The following MAGI3 variants were observed in gnomAD, a reference collection of about 807,000 sequenced individuals.
MAGI3 encodes the protein membrane associated guanylate kinase, WW and PDZ domain containing 3, also known as membrane-associated guanylate kinase, WW and PDZ domain-containing protein 3.
MAGI3 carries 43 observed loss-of-function variants against 121.8 expected under a neutral mutation model. That is an observed-to-expected ratio of 0.35 (90% CI 0.28 to 0.46). The LOEUF (loss-of-function observed/expected upper bound fraction) is 0.46. MAGI3 is among the 20% of genes least tolerant of loss of function. MAGI3 has a pLI of 1.00. For synonymous variants in MAGI3, 553 were observed against 639.3 expected (o/e 0.86, Z 2.04); for missense variants, 1,547 against 1,797.3 (o/e 0.86, Z 2.52).
chr1:113,428,423 T>G (rs1653129101), intron 1 of MAGI3, among the ~76,000 whole-genome samples: 1 of 152,190 alleles, frequency 6.6e-6, no homozygotes, highest in Non-Finnish European at 1.5e-5. Flanking sequence ...AGTATTGCCT[T>G]TCTTATAAAT....
At chr1:113,536,590 G>C (rs1323935339) in intron 1 of MAGI3, among the ~76,000 whole-genome samples, 1 of 151,740 alleles carries the variant, frequency 6.6e-6, no homozygotes, top group East Asian at 1.9e-4. Flanking sequence ...ATACGTCATG[G>C]AATAATTACT....
At chr1:113,626,247 T>C (rs561138516) in intron 9 of MAGI3, among the ~76,000 whole-genome samples, 146 of 152,378 alleles carry the variant, frequency 9.6e-4, no homozygotes, top group African/African-American at 3.4e-3. Flanking sequence ...CTTCATTCTG[T>C]TGATACCATG....
chr1:113,515,256 G>A (rs1393323773), intron 1 of MAGI3, among the ~76,000 whole-genome samples: 2 of 151,924 alleles, frequency 1.3e-5, no homozygotes, highest in Admixed American at 1.3e-4. Flanking sequence ...TATAATGTTT[G>A]GGACTATTGA....
chr1:113,430,151 A>G (rs958979053), intron 1 of MAGI3, among the ~76,000 whole-genome samples: 2 of 152,220 alleles, frequency 1.3e-5, no homozygotes, highest in Non-Finnish European at 1.5e-5. Flanking sequence ...AAGTGAATAA[A>G]TACATTTCTT....
At chr1:113,614,695 T>G in intron 7 of MAGI3, 37 bp downstream of exon 7, 3 of 1,476,674 alleles carry the variant, frequency 2.0e-6, no homozygotes, top group Non-Finnish European at 2.8e-6. Flanking sequence ...CTCCCAAATA[T>G]TTTCCTTTCA....
chr1:113,453,264 A>C (rs1053692821), intron 1 of MAGI3, among the ~76,000 whole-genome samples: 1 of 152,182 alleles, frequency 6.6e-6, no homozygotes, highest in Non-Finnish European at 1.5e-5. Context: ...GACTGCTGTC[A>C]TCTTTCTTGC....
At chr1:113,661,239 G>T (rs1421600418) in intron 16 of MAGI3, among the ~76,000 whole-genome samples, 1 of 152,202 alleles carries the variant, frequency 6.6e-6, no homozygotes, top group South Asian at 2.1e-4. Context: ...TTACCTACAT[G>T]ACTGGCTCCC....
chr1:113,625,106 A>G (rs572572317), intron 9 of MAGI3, among the ~76,000 whole-genome samples: 4 of 152,338 alleles, frequency 2.6e-5, no homozygotes, highest in African/African-American at 9.6e-5. Flanking sequence ...GCTCTGTAGT[A>G]TAATTTGAAG....
chr1:113,645,848 T>C (rs1652801515), intron 11 of MAGI3, among the ~76,000 whole-genome samples: 1 of 152,240 alleles, frequency 6.6e-6, no homozygotes. Flanking sequence ...TAAGTCATTT[T>C]GCTTGGCTGT....
intron 1 of MAGI3, among the ~76,000 whole-genome samples, chr1:113,415,968 C>G (rs1652279275): frequency 8.9e-6 from 1 of 112,096 alleles, no homozygotes; most frequent in East Asian, 2.1e-4. Context: ...AGCAGGGGGT[C>G]AAAAACATTT....
Position 113,682,649 on chromosome 1 carries a change from A to G in MAGI3, c.3329-248A>G, listed in dbSNP as rs191420910. 2.8e-5 allele frequency: 27 copies of G among 974,844 alleles called. No homozygotes were observed. The East Asian group carries it at 1.8e-3, about 66-fold the overall frequency. The allele number at this position is 974,844 out of a possible 1,614,324, so 60.4% of individuals were successfully genotyped here. ...TTTACAGATCATATATTATCTCACT[A>G]ATTATATGTAATTGGAAAAAATGAA... On this transcript the variant is annotated intron_variant, in intron 20 of 20. Transcript: ENST00000307546.
chr1:113,623,641 C>T (rs1651021509), intron 9 of MAGI3, among the ~76,000 whole-genome samples: 1 of 152,026 alleles, frequency 6.6e-6, no homozygotes, highest in Non-Finnish European at 1.5e-5. Context: ...GCGCCCGCCA[C>T]CACGCCTGGC....
chr1:113,441,104 G>T (rs1653889581), intron 1 of MAGI3, among the ~76,000 whole-genome samples: 2 of 152,024 alleles, frequency 1.3e-5, no homozygotes. Context: ...TTTGTCTCCT[G>T]CTCTTTTTGG....
intron 2 of MAGI3, among the ~76,000 whole-genome samples, chr1:113,559,631 G>A (rs748974324): frequency 6.6e-6 from 1 of 151,830 alleles, no homozygotes; most frequent in East Asian, 1.9e-4. Flanking sequence ...GCAGTGGTGC[G>A]ATCTTGGCTC....
intron 1 of MAGI3, among the ~76,000 whole-genome samples, chr1:113,466,887 C>T (rs1655315929): frequency 6.6e-6 from 1 of 151,874 alleles, no homozygotes. Flanking sequence ...TTTTACAAAA[C>T]CAACTTTTTG....
Position 113,590,686 on chromosome 1 carries a change from T to C in MAGI3, c.938+28T>C, listed in dbSNP as rs767504431. On this transcript the variant is annotated intron_variant, in intron 5 of 20. Transcript: ENST00000307546. ...AAGCAAATGTCTCTATCTCTTCTAA[T>C]GTGCCCTAACATGTTGAGGATTGTC... 8 of 1,601,668 alleles carry C rather than the reference T, an allele frequency of 5.0e-6. No homozygotes were observed. In the East Asian group the frequency reaches 1.6e-4, roughly 31 times the overall value.
At chr1:113,413,552 A>C (rs1461140939) in intron 1 of MAGI3, among the ~76,000 whole-genome samples, 1 of 151,982 alleles carries the variant, frequency 6.6e-6, no homozygotes, top group Non-Finnish European at 1.5e-5. Context: ...CTTTAATTTC[A>C]TCGAGCAGTG....
At chr1:113,480,381 G>A (rs777215969) in intron 1 of MAGI3, among the ~76,000 whole-genome samples, 6 of 152,182 alleles carry the variant, frequency 3.9e-5, no homozygotes, top group African/African-American at 7.2e-5. Context: ...TACAGTTAAG[G>A]GCTGTCTGGC....
At chr1:113,604,340 G>A (rs1257888662) in intron 6 of MAGI3, among the ~76,000 whole-genome samples, 3 of 151,776 alleles carry the variant, frequency 2.0e-5, no homozygotes, top group Admixed American at 6.6e-5. Context: ...AGGCTGAGGC[G>A]GGCAGATCAC....
Sources: allele counts gnomAD v4.1 joint callset (sites outside exome capture counted in the v4.1 genomes callset), GRCh38; gene constraint gnomAD v4.1.1; transcripts MANE v1.5; gene names NCBI Gene and HGNC (gene_info 2026-07-23, HGNC 2026-07-21).